RAB38: variants seen among roughly 807,000 people sequenced by gnomAD.
The protein encoded by RAB38 is ras-related protein Rab-38.
RAB38 carries 15 observed loss-of-function variants against 18.4 expected under a neutral mutation model. That is an observed-to-expected ratio of 0.82 (90% CI 0.55 to 1.26). The LOEUF is 1.26. RAB38 is among the 50% of genes most tolerant of loss of function. The probability of loss-of-function intolerance (pLI) is 0.00; values close to 1 mark genes in which losing one functional copy is unlikely to be tolerated. For missense variants in RAB38, 294 were observed against 267.4 expected, an observed-to-expected ratio of 1.10 and a Z score of -0.69; for synonymous variants, 101 against 104.4, an observed-to-expected ratio of 0.97 and a Z score of 0.20.
the RAB38 span, among the ~76,000 whole-genome samples, chr11:87,937,991 C>T: frequency 6.8e-6 from 1 of 147,866 alleles, no homozygotes; most frequent in Non-Finnish European, 1.5e-5. Flanking sequence ...TCAGATCTTT[C>T]TGGCTTTACA....
chr11:87,881,121 G>T, the RAB38 span, among the ~76,000 whole-genome samples: 1 of 151,782 alleles, frequency 6.6e-6, no homozygotes, highest in African/African-American at 2.4e-5. Flanking sequence ...CTGGGATTAA[G>T]TCATGAGACA....
chr11:87,851,859 C>G, the RAB38 span, among the ~76,000 whole-genome samples: 2 of 152,070 alleles, frequency 1.3e-5, no homozygotes, highest in Non-Finnish European at 2.9e-5. Flanking sequence ...TTTAGGGTCT[C>G]TAGCTGGGTC....
Position 88,114,164 on chromosome 11 carries a change from C to A in RAB38, c.484-24G>T, listed in dbSNP as rs144271152. 1,128 of 1,611,712 alleles carry A rather than the reference C, an allele frequency of 7.0e-4. 9 individuals are homozygous for A. In the African/African-American group the frequency reaches 0.013, roughly 18 times the overall value. ...TCCTATGAGGGAAAAAATAAAACAG[C>A]TTTTCTTATTCAATACTCTGAAATA... is the stretch of plus-strand genomic sequence containing the variant. On this transcript the variant is annotated intron_variant, in intron 2 of 2. Coordinates refer to ENST00000243662, the MANE Select transcript of RAB38 (RefSeq NM_022337.3).
chr11:88,101,569 C>A, the RAB38 span, among the ~76,000 whole-genome samples: 1 of 151,734 alleles, frequency 6.6e-6, no homozygotes, highest in African/African-American at 2.4e-5. Flanking sequence ...TTTAGGCAGA[C>A]AAAAAGGCAG....
chr11:88,072,389 CA>C, the RAB38 span, among the ~76,000 whole-genome samples: 1 of 151,792 alleles, frequency 6.6e-6, no homozygotes, highest in African/African-American at 2.4e-5. Context: ...AATAAAGGAA[CA>C]AAAAAACCTA....
chr11:87,977,211 TTATAAAATATAATTATATTATACAAGTAA>T, the RAB38 span, among the ~76,000 whole-genome samples: 1 of 122,642 alleles, frequency 8.2e-6, no homozygotes, highest in African/African-American at 3.4e-5. Context: ...TACAAGTAAA[TTATAAAATATAATTATATTATACAAGTAA>T]ATTATAAAAT....
intron 1 of RAB38, among the ~76,000 whole-genome samples, chr11:88,171,757 CA>C (rs1943314177): frequency 6.6e-6 from 1 of 152,132 alleles, no homozygotes; most frequent in South Asian, 2.1e-4. Context: ...CAAGATAGTA[CA>C]GTTCTTTTTG....
chr11:87,811,104 G>A, the RAB38 span, among the ~76,000 whole-genome samples: 2 of 152,188 alleles, frequency 1.3e-5, no homozygotes, highest in African/African-American at 4.8e-5. Flanking sequence ...CCTTAGGCTG[G>A]GTTTCCTGCA....
the RAB38 span, among the ~76,000 whole-genome samples, chr11:88,017,288 T>C: frequency 6.6e-6 from 1 of 151,970 alleles, no homozygotes; most frequent in South Asian, 2.1e-4. Context: ...TACTTTTCAG[T>C]GGAGAAAATC....
At chr11:87,892,260 G>A in the RAB38 span, among the ~76,000 whole-genome samples, 279 of 151,868 alleles carry the variant, frequency 1.8e-3, 1 homozygote, top group African/African-American at 6.0e-3. Context: ...CATCTTGAAC[G>A]TTACTTTTCT....
chr11:88,023,609 G>A, the RAB38 span, among the ~76,000 whole-genome samples: 1 of 151,858 alleles, frequency 6.6e-6, no homozygotes, highest in Admixed American at 6.6e-5. Flanking sequence ...TAAGCACAAA[G>A]AACAAAACTG....
chr11:87,878,638 T>C, the RAB38 span, among the ~76,000 whole-genome samples: 1 of 151,666 alleles, frequency 6.6e-6, no homozygotes, highest in East Asian at 2.0e-4. Context: ...AGTGAGGCTG[T>C]GCTAAAAATT....
Position 88,116,678 on chromosome 11 carries a change from G to A in RAB38, c.484-2538C>T, listed in dbSNP as rs192635620. On this transcript the variant is annotated intron_variant, in intron 2 of 2. Transcript: ENST00000243662. ...TTCTTCAGTGTTAGACCCAGTTAGT[G>A]TTAAATAATGCTAGTTTATTTATCT... Among the ~76,000 whole-genome samples, 24 of 152,236 alleles carry A rather than the reference G, an allele frequency of 1.6e-4. 1 individual carries two copies. The East Asian group carries it at 4.4e-3, about 28-fold the overall frequency.
At chr11:88,160,356 T>C (rs554379454) in intron 1 of RAB38, among the ~76,000 whole-genome samples, 137 of 152,050 alleles carry the variant, frequency 9.0e-4, no homozygotes, top group African/African-American at 3.3e-3. Flanking sequence ...GCAGAGAAAA[T>C]GGAATGCATA....
At chr11:88,152,819 T>G (rs1452781679) in intron 1 of RAB38, among the ~76,000 whole-genome samples, 1 of 152,230 alleles carries the variant, frequency 6.6e-6, no homozygotes, top group East Asian at 1.9e-4. Context: ...TCAACACACA[T>G]TTATGGAATA....
the RAB38 span, among the ~76,000 whole-genome samples, chr11:87,812,601 C>T: frequency 1.3e-5 from 2 of 152,154 alleles, no homozygotes; most frequent in Non-Finnish European, 2.9e-5. Context: ...CAAGCACGGT[C>T]CTGACTGCAG....
At chr11:87,857,634 ATG>A in the RAB38 span, among the ~76,000 whole-genome samples, 1 of 152,094 alleles carries the variant, frequency 6.6e-6, no homozygotes. Context: ...GAATTTTTTC[ATG>A]TGTCTTTTGG....
chr11:88,114,193 C>T (rs1407209465), intron 2 of RAB38, 53 bp from the exon 3 acceptor site: 62 of 1,572,476 alleles, frequency 3.9e-5, no homozygotes, highest in Admixed American at 2.0e-4. Context: ...TGAAATAATG[C>T]TAGAGCAGAG....
the RAB38 span, among the ~76,000 whole-genome samples, chr11:87,826,064 C>T: frequency 6.6e-6 from 1 of 151,874 alleles, no homozygotes; most frequent in South Asian, 2.1e-4. Context: ...TCTCTATCCT[C>T]CATAGTAGAA....
Sources: allele counts gnomAD v4.1 joint callset (sites outside exome capture counted in the v4.1 genomes callset), GRCh38; gene constraint gnomAD v4.1.1; transcripts MANE v1.5; gene names NCBI Gene and HGNC (gene_info 2026-07-23, HGNC 2026-07-21).